RNF216: variants seen among roughly 807,000 people sequenced by gnomAD.
RNF216 encodes ring finger protein 216, also known as E3 ubiquitin-protein ligase RNF216.
A neutral mutation model predicts 110.8 loss-of-function variants in RNF216; 72 were observed. The observed-to-expected ratio is 0.65, with a 90% CI of 0.54 to 0.79. RNF216 has a LOEUF of 0.79. RNF216 is among the 30% of genes least tolerant of loss of function. The pLI, the probability that RNF216 is intolerant of heterozygous loss-of-function variation, is 0.00. For missense variants in RNF216, 1,342 were observed against 1,141.2 expected, an observed-to-expected ratio of 1.18 and a Z score of -2.54; for synonymous variants, 495 against 407.5, an observed-to-expected ratio of 1.21 and a Z score of -2.59.
chr7:5,702,974 C>T (rs1000712651), intron 13 of RNF216, among the ~76,000 whole-genome samples: 4 of 152,128 alleles, frequency 2.6e-5, no homozygotes, highest in Admixed American at 6.5e-5. Flanking sequence ...CTGCCAGGCA[C>T]CCTACATGAT....
At chr7:5,679,898 C>T (rs1410270721) in intron 13 of RNF216, among the ~76,000 whole-genome samples, 1 of 152,188 alleles carries the variant, frequency 6.6e-6, no homozygotes, top group Non-Finnish European at 1.5e-5. Flanking sequence ...GCAGGTGAGC[C>T]AGGCGGCTCC....
chr7:5,629,872 G>C (rs1786962386), intron 15 of RNF216, among the ~76,000 whole-genome samples: 1 of 148,578 alleles, frequency 6.7e-6, no homozygotes, highest in Non-Finnish European at 1.5e-5. Context: ...GTTTAGGATT[G>C]ATTTTGAGGT....
At chr7:5,631,923 C>A (rs762093339) in intron 15 of RNF216, among the ~76,000 whole-genome samples, 3 of 152,222 alleles carry the variant, frequency 2.0e-5, no homozygotes, top group Non-Finnish European at 4.4e-5. Context: ...GCTTAGCTCA[C>A]ACCCCCTTCT....
chr7:5,681,137 T>C (rs1790626625), intron 13 of RNF216, among the ~76,000 whole-genome samples: 1 of 152,158 alleles, frequency 6.6e-6, no homozygotes, highest in Admixed American at 6.5e-5. Context: ...TTGCTTATAA[T>C]TTGGACAAGT....
intron 9 of RNF216, among the ~76,000 whole-genome samples, chr7:5,718,383 AAAAC>A (rs1338082754): frequency 2.4e-4 from 37 of 152,248 alleles, no homozygotes; most frequent in Admixed American, 5.2e-4. Context: ...TCCGTCTCAA[AAAAC>A]AAACAAACAA....
chr7:5,768,346 T>TATAC (rs1554266199), intron 1 of RNF216, among the ~76,000 whole-genome samples: 2 of 71,886 alleles, frequency 2.8e-5, no homozygotes, highest in Non-Finnish European at 5.4e-5. Context: ...GGCAGGCAAA[T>TATAC]ACACACACAC....
chr7:5,649,334 A>T (rs1788242084), intron 14 of RNF216, among the ~76,000 whole-genome samples: 1 of 151,938 alleles, frequency 6.6e-6, no homozygotes, highest in Non-Finnish European at 1.5e-5. Context: ...GGAGGTCGCA[A>T]TGACCCGAGG....
At chr7:5,645,542 C>T (rs1787998628) in intron 14 of RNF216, among the ~76,000 whole-genome samples, 1 of 151,980 alleles carries the variant, frequency 6.6e-6, no homozygotes, top group Non-Finnish European at 1.5e-5. Context: ...GTGTATTTTT[C>T]ATCTCAGCTA....
At chr7:5,731,845 GA>G (rs1278529394) in intron 5 of RNF216, among the ~76,000 whole-genome samples, 2 of 145,292 alleles carry the variant, frequency 1.4e-5, no homozygotes, top group East Asian at 3.9e-4. Flanking sequence ...AGAGGGTAGA[GA>G]AAAAGTGCTC....
chr7:5,676,061 C>CTAGA (rs1790270476), intron 13 of RNF216, among the ~76,000 whole-genome samples: 1 of 151,702 alleles, frequency 6.6e-6, no homozygotes. Flanking sequence ...GTTGCCCAGG[C>CTAGA]TAGAGTGCAA....
intron 13 of RNF216, among the ~76,000 whole-genome samples, chr7:5,671,323 C>A (rs1172433600): frequency 6.6e-6 from 1 of 152,204 alleles, no homozygotes; most frequent in East Asian, 1.9e-4. Context: ...ATCACACGTG[C>A]TAAAAAGACA....
chr7:5,630,253 G>A (rs995030732), intron 15 of RNF216, among the ~76,000 whole-genome samples: 6 of 152,116 alleles, frequency 3.9e-5, no homozygotes, highest in Non-Finnish European at 7.4e-5. Context: ...GGCTGCTGGC[G>A]TCACGGGAAG....
intron 13 of RNF216, among the ~76,000 whole-genome samples, chr7:5,684,329 G>T (rs568161109): frequency 6.6e-6 from 1 of 151,826 alleles, no homozygotes; most frequent in Non-Finnish European, 1.5e-5. Context: ...GGATGGTCTC[G>T]ATCTCCTGAC....
At chr7:5,660,797 T>G (rs1380606871) in intron 13 of RNF216, among the ~76,000 whole-genome samples, 4 of 151,376 alleles carry the variant, frequency 2.6e-5, no homozygotes, top group Non-Finnish European at 5.9e-5. Context: ...CTCAAACTCC[T>G]GGAGTCAAGC....
At chr7:5,638,732 G>A (rs917489523) in intron 15 of RNF216, among the ~76,000 whole-genome samples, 3 of 150,764 alleles carry the variant, frequency 2.0e-5, no homozygotes, top group Admixed American at 2.0e-4. Context: ...TGACCTCCCA[G>A]GCTCAAATGA....
intron 15 of RNF216, among the ~76,000 whole-genome samples, chr7:5,633,638 G>A (rs1302500656): frequency 1.3e-5 from 2 of 152,136 alleles, no homozygotes; most frequent in African/African-American, 4.8e-5. Flanking sequence ...TAACAGGGAG[G>A]GAGATTTGTT....
intron 3 of RNF216, among the ~76,000 whole-genome samples, chr7:5,742,192 A>G (rs1201476236): frequency 1.3e-5 from 2 of 152,072 alleles, no homozygotes; most frequent in Non-Finnish European, 2.9e-5. Context: ...GATTACAAAA[A>G]TGTGCCAACA....
At chr7:5,729,109 G>T (rs1283294829) in intron 7 of RNF216, among the ~76,000 whole-genome samples, 1 of 152,180 alleles carries the variant, frequency 6.6e-6, no homozygotes, top group African/African-American at 2.4e-5. Context: ...ATGGATGGTC[G>T]TGTGACCTGT....
chr7:5,740,697 G>GA (rs550929763), intron 4 of RNF216, among the ~76,000 whole-genome samples: 2,917 of 151,950 alleles, frequency 0.019, 44 homozygotes, highest in Non-Finnish European at 0.03. Flanking sequence ...CAAGGAATTT[G>GA]AAAAAAACAA....
Sources: allele counts gnomAD v4.1 joint callset (sites outside exome capture counted in the v4.1 genomes callset), GRCh38; gene constraint gnomAD v4.1.1; transcripts MANE v1.5; gene names NCBI Gene and HGNC (gene_info 2026-07-23, HGNC 2026-07-21).